YEATS2: variants seen among roughly 807,000 people sequenced by gnomAD.
YEATS2 encodes the protein YEATS domain containing 2.
Under a neutral mutation model 163.2 loss-of-function variants are expected in YEATS2, and 77 were observed. The ratio of observed to expected loss-of-function variants is 0.47; its 90% CI spans 0.39 to 0.57. The LOEUF (loss-of-function observed/expected upper bound fraction) is 0.57, where lower values mean the gene tolerates loss of function less well. Ranked by LOEUF, YEATS2 falls within the 20% of genes least tolerant of loss-of-function variation. The probability of loss-of-function intolerance (pLI) is 0.00; values close to 1 mark genes in which losing one functional copy is unlikely to be tolerated. For missense variants in YEATS2, 1,549 were observed against 1,729.8 expected, an observed-to-expected ratio of 0.90 and a Z score of 1.85; for synonymous variants, 631 against 645.1, an observed-to-expected ratio of 0.98 and a Z score of 0.33.
At chr3:183,757,351 C>G (rs555284552) in intron 12 of YEATS2, among the ~76,000 whole-genome samples, 1 of 152,060 alleles carries the variant, frequency 6.6e-6, no homozygotes, top group African/African-American at 2.4e-5. Flanking sequence ...AGTGCAGTGG[C>G]GTGATCTCGG....
intron 15 of YEATS2, among the ~76,000 whole-genome samples, chr3:183,764,916 A>C (rs1373091926): frequency 6.6e-6 from 1 of 152,228 alleles, no homozygotes; most frequent in Non-Finnish European, 1.5e-5. Context: ...GCTGATAGCT[A>C]CCTAGGCCAC....
At chr3:183,741,835 C>T (rs1489626313) in intron 8 of YEATS2, among the ~76,000 whole-genome samples, 1 of 152,064 alleles carries the variant, frequency 6.6e-6, no homozygotes, top group Non-Finnish European at 1.5e-5. Flanking sequence ...ATGTTGTATT[C>T]ATGCCTGCTA....
chr3:183,783,269 AG>A (rs1159622392), intron 19 of YEATS2, among the ~76,000 whole-genome samples: 6 of 152,256 alleles, frequency 3.9e-5, no homozygotes, highest in African/African-American at 1.4e-4. Context: ...CCTGGCACAT[AG>A]TAAGATCTCA....
At chr3:183,700,928 AGT>A (rs1358539693) in intron 1 of YEATS2, among the ~76,000 whole-genome samples, 4 of 151,874 alleles carry the variant, frequency 2.6e-5, no homozygotes, top group Admixed American at 6.6e-5. Flanking sequence ...TTAAGAGGTA[AGT>A]GGTTGCTTTT....
chr3:183,806,754 G>T lies in YEATS2; in HGVS notation c.3785-112G>T, dbSNP rs1056596485. The T allele has an allele frequency of 6.8e-5, 72 of 1,056,674 alleles. No homozygotes were observed. The African/African-American group carries it at 9.6e-4, about 14-fold the overall frequency. 65.5% of individuals were successfully genotyped at this position (1,056,674 alleles called of 1,614,324 possible). A position where few individuals can be genotyped will look rare whatever the true frequency, so the allele number is the denominator to read the frequency against. On this transcript the variant is annotated intron_variant, in intron 27 of 30. Transcript: ENST00000305135. ...ATAGAATGTTAGAACTGGAAAGAAGGTCAGCTCCCCTGATGCTTATCCCCC... is the reference window on the plus strand; with the variant it reads ...ATAGAATGTTAGAACTGGAAAGAAGTTCAGCTCCCCTGATGCTTATCCCCC...
In YEATS2 at chr3:183,772,482, A is replaced by G. The variant is rs1401563606; in HGVS notation, c.2125A>G (p.Ile709Val). ...AATTGTGAGTGGAGGTGGAGGAACC[A>G]TTGTTGCTCAGCCAGTGCAGACCTT... is the stretch of plus-strand genomic sequence containing the variant. ...KAIVSGGGGT[I>V]VAQPVQTLTK... Residue 709 changes from isoleucine to valine, a missense_variant, in exon 16 of 31, where the codon ATT (isoleucine) becomes GTT (valine). Transcript: ENST00000305135. The G allele has an allele frequency of 1.2e-6, 2 of 1,613,994 alleles. No individual in the cohort carries two copies. Among genetic ancestry groups the G allele is most frequent in the African/African-American group, 2.7e-5 (2 of 74,898 alleles).
chr3:183,699,127 G>C (rs890199794), intron 1 of YEATS2, among the ~76,000 whole-genome samples: 1 of 152,060 alleles, frequency 6.6e-6, no homozygotes, highest in Non-Finnish European at 1.5e-5. Flanking sequence ...GCAGGGAGAT[G>C]GGGAAGTATA....
chr3:183,798,074 G>T (rs200157243), intron 22 of YEATS2, 23 bp downstream of exon 22: 10 of 1,611,590 alleles, frequency 6.2e-6, no homozygotes, highest in African/African-American at 1.3e-5. Flanking sequence ...CCCACGGGTC[G>T]TCTGTGCTGT....
At chr3:183,702,833 CA>C (rs202062121) in intron 1 of YEATS2, among the ~76,000 whole-genome samples, 159 of 139,992 alleles carry the variant, frequency 1.1e-3, no homozygotes, top group Non-Finnish European at 1.2e-3. Context: ...CTCTCTCTCT[CA>C]AAAAAAAAAA....
chr3:183,781,065 C>A (rs1176479984), intron 19 of YEATS2, among the ~76,000 whole-genome samples: 3 of 152,076 alleles, frequency 2.0e-5, no homozygotes, highest in Non-Finnish European at 4.4e-5. Context: ...GCTGTTAATA[C>A]AAATGACAAT....
At chr3:183,782,531 C>T (rs544698523) in intron 19 of YEATS2, among the ~76,000 whole-genome samples, 1 of 152,056 alleles carries the variant, frequency 6.6e-6, no homozygotes. Context: ...TCAAGTGATT[C>T]TCCTGCCTCA....
chr3:183,788,398 G>A (rs1158196418), intron 20 of YEATS2, among the ~76,000 whole-genome samples: 1 of 152,196 alleles, frequency 6.6e-6, no homozygotes, highest in African/African-American at 2.4e-5. Context: ...GTGAGAACGT[G>A]TGAAATGTGT....
chr3:183,751,041 C>T (rs553478885), intron 9 of YEATS2, among the ~76,000 whole-genome samples: 1 of 152,240 alleles, frequency 6.6e-6, no homozygotes, highest in Admixed American at 6.5e-5. Context: ...TGTCATGAAG[C>T]TTTTCCCTTA....
chr3:183,785,024 G>A (rs1723924871), intron 19 of YEATS2, among the ~76,000 whole-genome samples: 1 of 151,684 alleles, frequency 6.6e-6, no homozygotes, highest in Non-Finnish European at 1.5e-5. Flanking sequence ...AGTGAGCCAA[G>A]ATCGCACCAC....
At chr3:183,767,156 A>G (rs1336751798) in intron 15 of YEATS2, among the ~76,000 whole-genome samples, 4 of 152,196 alleles carry the variant, frequency 2.6e-5, no homozygotes, top group Non-Finnish European at 2.9e-5. Context: ...GTCATCTCCC[A>G]GGCGGTGTGC....
intron 19 of YEATS2, among the ~76,000 whole-genome samples, chr3:183,785,436 C>T (rs548333043): frequency 2.7e-5 from 4 of 150,612 alleles, no homozygotes; most frequent in Admixed American, 6.7e-5. Flanking sequence ...TTGCAGTAAG[C>T]CAAGATTGCG....
Position 183,800,494 on chromosome 3 carries a change from G to A in YEATS2, c.3354G>A (p.Pro1118=), listed in dbSNP as rs199752333. The A allele has an allele frequency of 2.3e-4, 377 of 1,614,082 alleles. No individual in the cohort carries two copies. The highest frequency in any genetic ancestry group is 2.9e-4 in the Non-Finnish European group (346 of 1,179,962). ...KVKTEPETPG[P]SCLSQEGQTA... ...AGACTGAACCAGAAACACCTGGACC[G>A]AGTTGCCTCTCTCAGGAGGGTCAGA... The change falls in exon 24 of 31, where the codon CCG becomes CCA. Residue 1118 remains proline (P), a synonymous_variant. Coordinates refer to ENST00000305135, the MANE Select transcript of YEATS2 (RefSeq NM_018023.5).
intron 5 of YEATS2, 50 bp from the exon 6 acceptor site, chr3:183,724,369 A>G (rs758601911): frequency 6.4e-6 from 9 of 1,402,334 alleles, no homozygotes; most frequent in African/African-American, 5.8e-5. Context: ...TTTCTGTCCT[A>G]TTGAAAGTTG....
rs1196295323 is a variant in YEATS2, at chr3:183,722,536, G to A, written c.537+400G>A. Among the ~76,000 whole-genome samples, 3 of 152,158 alleles carry A rather than the reference G, an allele frequency of 2.0e-5. 1 individual carries two copies. Among genetic ancestry groups the A allele is most frequent in the South Asian group, 4.1e-4 (2 of 4,820 alleles). The stretch of plus-strand genomic sequence containing the variant: ...GATCTCCTGACCTCGTGATCTTCCC[G>A]CCTCGGCCTCCCAAAGTGCTGGGAT... On this transcript the variant is annotated intron_variant, in intron 5 of 30. Transcript: ENST00000305135.
Sources: gnomAD v4.1 joint callset for allele counts (sites outside exome capture counted in the v4.1 genomes callset) on GRCh38, gnomAD v4.1.1 for gene constraint, MANE v1.5 for transcripts, NCBI Gene and HGNC (gene_info 2026-07-23, HGNC 2026-07-21) for gene names.